The following TRPM3 variants were observed in gnomAD, a reference collection of about 807,000 sequenced individuals.
The protein encoded by TRPM3 is transient receptor potential cation channel subfamily M member 3, also known as long transient receptor potential channel 3.
In TRPM3, 77 loss-of-function variants were observed where a neutral mutation model predicts 181.2. The observed-to-expected ratio is 0.42, with a 90% confidence interval of 0.35 to 0.51. The LOEUF (loss-of-function observed/expected upper bound fraction) is 0.51. Among genes scored for constraint, TRPM3 ranks in the 20% least tolerant of loss-of-function variants. The probability of loss-of-function intolerance (pLI) is 0.01; values close to 1 mark genes in which losing one functional copy is unlikely to be tolerated. For missense variants in TRPM3, 1,759 were observed against 2,196.7 expected (o/e 0.80, Z 3.98); for synonymous variants, 745 against 796.4 (o/e 0.94, Z 1.09).
intron 8 of TRPM3, among the ~76,000 whole-genome samples, chr9:70,745,858 A>G (rs1395623397): frequency 6.6e-6 from 1 of 152,206 alleles, no homozygotes; most frequent in African/African-American, 2.4e-5. Flanking sequence ...GATGAAATCG[A>G]AAGTCCTGAA....
intron 1 of TRPM3, among the ~76,000 whole-genome samples, chr9:71,417,741 GAAAT>G (rs2093658486): frequency 6.6e-6 from 1 of 151,892 alleles, no homozygotes; most frequent in Non-Finnish European, 1.5e-5. Flanking sequence ...TTCTAAACTA[GAAAT>G]ACTCTTTCTA....
At chr9:70,617,369 G>T (rs976532106) in intron 17 of TRPM3, among the ~76,000 whole-genome samples, 1 of 152,088 alleles carries the variant, frequency 6.6e-6, no homozygotes, top group South Asian at 2.1e-4. Context: ...TGGAGAAGGG[G>T]TATTGGTCCC....
intron 1 of TRPM3, among the ~76,000 whole-genome samples, chr9:71,063,829 T>C (rs375229112): frequency 6.6e-6 from 1 of 152,068 alleles, no homozygotes; most frequent in Non-Finnish European, 1.5e-5. Context: ...TGGACCTTTT[T>C]TTCCAGGTGA....
chr9:71,178,271 G>A (rs962182059), intron 1 of TRPM3, among the ~76,000 whole-genome samples: 23 of 152,086 alleles, frequency 1.5e-4, no homozygotes, highest in African/African-American at 5.1e-4. Context: ...TACAGAAAGC[G>A]GGTGCATAAA....
intron 9 of TRPM3, among the ~76,000 whole-genome samples, chr9:70,660,259 A>C (rs2060935916): frequency 6.6e-6 from 1 of 152,160 alleles, no homozygotes; most frequent in African/African-American, 2.4e-5. Context: ...TTTAGGACCA[A>C]CTTGCCTCCC....
At chr9:71,397,471 T>C (rs1488034666) in intron 1 of TRPM3, among the ~76,000 whole-genome samples, 1 of 152,184 alleles carries the variant, frequency 6.6e-6, no homozygotes, top group Admixed American at 6.6e-5. Flanking sequence ...CTGTTGAATG[T>C]TATATACAAC....
intron 1 of TRPM3, among the ~76,000 whole-genome samples, chr9:71,294,383 A>G (rs2086080126): frequency 6.6e-6 from 1 of 152,094 alleles, no homozygotes; most frequent in Non-Finnish European, 1.5e-5. Context: ...CAGACTCTTT[A>G]GTAAGCAAGG....
intron 1 of TRPM3, among the ~76,000 whole-genome samples, chr9:71,322,172 G>T (rs968219819): frequency 2.0e-5 from 3 of 151,982 alleles, no homozygotes; most frequent in Non-Finnish European, 2.9e-5. Context: ...AATTTTGAGG[G>T]ATAGTGGTAT....
chr9:71,412,542 A>G (rs932833550), intron 1 of TRPM3, among the ~76,000 whole-genome samples: 6 of 152,212 alleles, frequency 3.9e-5, no homozygotes, highest in Non-Finnish European at 8.8e-5. Flanking sequence ...TCAAAACCAC[A>G]ATGAGATACC....
chr9:71,411,542 A>G (rs1348334846), intron 1 of TRPM3, among the ~76,000 whole-genome samples: 1 of 152,178 alleles, frequency 6.6e-6, no homozygotes, highest in Non-Finnish European at 1.5e-5. Context: ...TCCAACTTAC[A>G]AGGGATGTGA....
intron 1 of TRPM3, among the ~76,000 whole-genome samples, chr9:71,432,323 C>CTTTT (rs67905820): frequency 0.034 from 2,608 of 76,290 alleles, 66 homozygotes; most frequent in Non-Finnish European, 0.046. Flanking sequence ...AAAAGTAGGA[C>CTTTT]TTTTTTTTTT....
At chr9:71,231,445 G>A (rs2081045490) in intron 1 of TRPM3, among the ~76,000 whole-genome samples, 1 of 152,124 alleles carries the variant, frequency 6.6e-6, no homozygotes, top group South Asian at 2.1e-4. Context: ...AAATATATGA[G>A]TTCTTCCATA....
At chr9:71,159,214 C>T (rs566686548) in intron 1 of TRPM3, among the ~76,000 whole-genome samples, 9 of 151,484 alleles carry the variant, frequency 5.9e-5, no homozygotes, top group South Asian at 4.2e-4. Flanking sequence ...TGGTTCTAAT[C>T]GGTTCTTTGG....
intron 12 of TRPM3, among the ~76,000 whole-genome samples, chr9:70,626,788 G>C (rs1036841727): frequency 6.6e-6 from 1 of 152,148 alleles, no homozygotes; most frequent in African/African-American, 2.4e-5. Flanking sequence ...GCTAACCTGA[G>C]GGTAGGTTTT....
intron 19 of TRPM3, among the ~76,000 whole-genome samples, chr9:70,605,297 C>G (rs1044323487): frequency 6.6e-6 from 1 of 152,046 alleles, no homozygotes; most frequent in African/African-American, 2.4e-5. Flanking sequence ...CTCTGAGACC[C>G]CATCACACTG....
intron 22 of TRPM3, among the ~76,000 whole-genome samples, chr9:70,588,848 G>A (rs2057616334): frequency 6.6e-6 from 1 of 152,238 alleles, no homozygotes; most frequent in South Asian, 2.1e-4. Context: ...TTGGAGGACA[G>A]GAATGTTCAA....
intron 1 of TRPM3, among the ~76,000 whole-genome samples, chr9:71,352,110 C>T (rs773679736): frequency 4.6e-5 from 7 of 152,102 alleles, no homozygotes; most frequent in South Asian, 2.1e-4. Flanking sequence ...CTCCTGACTT[C>T]GTGATCCACC....
intron 1 of TRPM3, among the ~76,000 whole-genome samples, chr9:71,157,645 A>T (rs72731801): frequency 1.3e-5 from 2 of 152,138 alleles, no homozygotes; most frequent in African/African-American, 2.4e-5. Flanking sequence ...CTCTGACCAA[A>T]ATTCAGTTAT....
intron 9 of TRPM3, among the ~76,000 whole-genome samples, chr9:70,676,479 G>A (rs2064037022): frequency 6.6e-6 from 1 of 152,194 alleles, no homozygotes; most frequent in African/African-American, 2.4e-5. Context: ...GAGGGATGCT[G>A]ACAACATGGG....
Sources: allele counts gnomAD v4.1 joint callset (sites outside exome capture counted in the v4.1 genomes callset), GRCh38; gene constraint gnomAD v4.1.1; transcripts MANE v1.5; gene names NCBI Gene and HGNC (gene_info 2026-07-23, HGNC 2026-07-21).